The following TENT5D variants were observed in gnomAD, a reference collection of about 807,000 sequenced individuals.
TENT5D encodes the protein terminal nucleotidyltransferase 5D, also known as cancer/testis antigen 112.
For missense variants in TENT5D, 191 were observed against 287.0 expected (o/e 0.67, Z 2.42); for synonymous variants, 103 against 100.6 (o/e 1.02, Z -0.15).
At chrX:80,390,957 T>TACCC (rs1476096967) in intron 3 of TENT5D, among the ~76,000 whole-genome samples, 1 of 112,154 alleles carries the variant, frequency 8.9e-6, no homozygotes, top group Non-Finnish European at 1.9e-5. Flanking sequence ...TTGCATCTCT[T>TACCC]AGAGAAAGAA....
rs1418173318 is a variant in TENT5D at position 80,385,056 on chromosome X, A to C, written c.-142+42492A>C. 4.5e-5 allele frequency among the ~76,000 whole-genome samples: 5 copies of C among 111,225 alleles called. 1 individual carries two copies. The highest frequency in any genetic ancestry group is 3.8e-5 in the Non-Finnish European group (2 of 52,906). On this transcript the variant is annotated intron_variant, in intron 3 of 4. Coordinates refer to the TENT5D transcript ENST00000538312. ...AAGCTACCAATGACTTTCTTCACAG[A>C]ATTGGAAAAAACTACTTTAAAGTTC...
At chrX:80,365,840 C>CA (rs1161954552) in intron 3 of TENT5D, among the ~76,000 whole-genome samples, 386 of 76,526 alleles carry the variant, frequency 5.0e-3, no homozygotes, top group African/African-American at 7.2e-3. Flanking sequence ...GACTCTGCCT[C>CA]AAAAAAAAAA....
intron 3 of TENT5D, among the ~76,000 whole-genome samples, chrX:80,404,407 T>C (rs4826175): frequency 0.097 from 10,764 of 111,208 alleles, 521 homozygotes; most frequent in African/African-American, 0.18. Context: ...CATAAACCGG[T>C]TTGTAACCTT....
intron 3 of TENT5D, among the ~76,000 whole-genome samples, chrX:80,363,718 T>G (rs1930453049): frequency 8.9e-6 from 1 of 112,036 alleles, no homozygotes; most frequent in African/African-American, 3.2e-5. Context: ...TTCTCCTCTA[T>G]CTGTTCTCTA....
chrX:80,359,612 A>C (rs888795433), intron 3 of TENT5D, among the ~76,000 whole-genome samples: 1 of 110,745 alleles, frequency 9.0e-6, no homozygotes, highest in African/African-American at 3.3e-5. Flanking sequence ...CAGGGAGGGG[A>C]ACATCACACA....
chrX:80,390,647 CAG>C (rs1931105834), intron 3 of TENT5D, among the ~76,000 whole-genome samples: 1 of 111,345 alleles, frequency 9.0e-6, no homozygotes. Flanking sequence ...CTATTGGAAT[CAG>C]GGTACTATAA....
At chrX:80,407,185 G>A (rs1292687319) in intron 3 of TENT5D, among the ~76,000 whole-genome samples, 1 of 108,420 alleles carries the variant, frequency 9.2e-6, no homozygotes, top group Non-Finnish European at 1.9e-5. Flanking sequence ...GGAAGAAACT[G>A]CATCAACTAA....
rs749617118 is a variant in TENT5D, at chrX:80,442,906, C to G, written c.367C>G (p.Pro123Ala). 1.3e-5 allele frequency: 16 copies of G among 1,210,982 alleles called. No individual in the cohort carries two copies. In the South Asian group the frequency reaches 2.3e-4, roughly 17 times the overall value. ...AGATGTAAAGAAGGAAAAGCTCTCC[C>G]CAGATATCATGAAAGACGCTTACGT... is the stretch of plus-strand genomic sequence containing the variant. The change falls in exon 3 of 3, where the codon CCA (proline) becomes GCA (alanine). Residue 123 changes from proline (P) to alanine (A), a missense_variant. Transcript: ENST00000308293.
At chrX:80,432,328 G>A (rs753539759) in intron 1 of TENT5D, among the ~76,000 whole-genome samples, 30 of 111,210 alleles carry the variant, frequency 2.7e-4, no homozygotes, top group African/African-American at 8.2e-4. Flanking sequence ...ACCTCCTTCC[G>A]GCCTCACGTG....
chrX:80,349,667 C>A lies in TENT5D; in HGVS notation c.-142+7103C>A, dbSNP rs376606734. Among the ~76,000 whole-genome samples the A allele has an allele frequency of 6.6e-4, 73 of 110,922 alleles. 3 individuals are homozygous for A. The East Asian group carries it at 0.013, about 20-fold the overall frequency. On this transcript the variant is annotated intron_variant, in intron 3 of 4. Transcript: ENST00000538312. ...CTATCTCCTTCAGTTCTGCTCTAAT[C>A]TTAGCTATTTCTTGTCTTCTGCTAG...
chrX:80,360,467 C>T (rs1359432711), intron 3 of TENT5D, among the ~76,000 whole-genome samples: 1 of 111,845 alleles, frequency 8.9e-6, no homozygotes, highest in East Asian at 2.8e-4. Context: ...TGGTGCTAGC[C>T]ATACTCAAAC....
intron 2 of TENT5D, among the ~76,000 whole-genome samples, chrX:80,336,863 TTTG>T (rs1295324582): frequency 4.5e-5 from 5 of 112,131 alleles, no homozygotes; most frequent in African/African-American, 6.5e-5. Context: ...TCTGAAGATA[TTTG>T]TTGTTAGGGT....
chrX:80,404,271 G>C (rs1386060039), intron 3 of TENT5D, among the ~76,000 whole-genome samples: 1 of 112,097 alleles, frequency 8.9e-6, no homozygotes, highest in Non-Finnish European at 1.9e-5. Flanking sequence ...TTCTTTGAGA[G>C]TGGAGACTTA....
intron 1 of TENT5D, among the ~76,000 whole-genome samples, chrX:80,435,023 T>C (rs894714580): frequency 6.3e-5 from 7 of 110,361 alleles, no homozygotes; most frequent in African/African-American, 2.3e-4. Flanking sequence ...GACCTCATGA[T>C]CCGCCCGCCT....
At chrX:80,387,998 C>G (rs1346340607) in intron 3 of TENT5D, among the ~76,000 whole-genome samples, 1 of 111,449 alleles carries the variant, frequency 9.0e-6, no homozygotes, top group African/African-American at 3.3e-5. Context: ...GCAGTCTCCC[C>G]TGCTGGCCAC....
At chrX:80,392,974 T>C (rs1360333351) in intron 3 of TENT5D, among the ~76,000 whole-genome samples, 1 of 111,786 alleles carries the variant, frequency 8.9e-6, no homozygotes, top group Non-Finnish European at 1.9e-5. Context: ...CATATATGTC[T>C]TTAAAAGGCT....
At chrX:80,434,683 A>G (rs1011725111) in intron 1 of TENT5D, among the ~76,000 whole-genome samples, 2 of 111,184 alleles carry the variant, frequency 1.8e-5, no homozygotes, top group South Asian at 3.8e-4. Context: ...AGCATTATCT[A>G]TAGTAATGTG....
rs1207387622 is a variant in TENT5D at position 80,443,547 on chromosome X, A to G, written c.1008A>G (p.Leu336=). ...TGGCTTTGAAAGTACTTGGAGAACTAAATATTCTACCCAATACACAAAAGG... is the reference window on the plus strand; with the variant it reads ...TGGCTTTGAAAGTACTTGGAGAACTGAATATTCTACCCAATACACAAAAGG... The change falls in exon 3 of 3, where the codon CTA becomes CTG. Residue 336 remains leucine (L), a synonymous_variant. Coordinates refer to ENST00000308293, the Ensembl canonical transcript of TENT5D. 7.4e-6 allele frequency: 9 copies of G among 1,208,995 alleles called. No individual in the cohort carries two copies. In the East Asian group the frequency reaches 2.7e-4, roughly 36 times the overall value.
At chrX:80,338,637 T>C (rs1293283116) in intron 2 of TENT5D, among the ~76,000 whole-genome samples, 1 of 112,589 alleles carries the variant, frequency 8.9e-6, no homozygotes, top group Non-Finnish European at 1.9e-5. Flanking sequence ...TTTTTAATAT[T>C]ATGATTGTTT....
Sources: allele counts gnomAD v4.1 joint callset (sites outside exome capture counted in the v4.1 genomes callset), GRCh38; gene constraint gnomAD v4.1.1; transcripts MANE v1.5; gene names NCBI Gene and HGNC (gene_info 2026-07-23, HGNC 2026-07-21).